Variants in MAP4K3 observed in about 807,000 individuals in gnomAD.
MAP4K3 encodes mitogen-activated protein kinase kinase kinase kinase 3, also known as MAPK/ERK kinase kinase kinase 3.
MAP4K3 carries 94 observed loss-of-function variants against 143.5 expected under a neutral mutation model. That is an observed-to-expected ratio of 0.65 (90% confidence interval 0.55 to 0.78). The LOEUF (loss-of-function observed/expected upper bound fraction) is 0.78. Ranked by LOEUF, MAP4K3 falls within the 30% of genes least tolerant of loss-of-function variation. MAP4K3 has a pLI of 0.00. For missense variants in MAP4K3, 1,077 were observed against 1,068.1 expected, an observed-to-expected ratio of 1.01 and a Z score of -0.12; for synonymous variants, 416 against 347.2, an observed-to-expected ratio of 1.20 and a Z score of -2.20.
intron 27 of MAP4K3, 46 bp downstream of exon 27, chr2:39,267,143 T>C: frequency 6.4e-7 from 1 of 1,570,780 alleles, no homozygotes; most frequent in Non-Finnish European, 8.8e-7. Flanking sequence ...TGCCAGATTT[T>C]AGGAGGAGTC....
chr2:39,342,440 C>T (rs1458386061), intron 4 of MAP4K3, among the ~76,000 whole-genome samples: 2 of 152,078 alleles, frequency 1.3e-5, no homozygotes, highest in African/African-American at 2.4e-5. Context: ...CTTCATCATC[C>T]TTTTTCTACC....
chr2:39,309,389 A>G, intron 14 of MAP4K3, 72 bp downstream of exon 14: 9 of 1,174,896 alleles, frequency 7.7e-6, no homozygotes, highest in Admixed American at 4.3e-5. Context: ...TTTGGTCAGT[A>G]CTAATACATC....
In MAP4K3 at chr2:39,272,515, A is replaced by G; in HGVS notation, c.1822T>C (p.Tyr608His). 2 of 1,613,562 alleles carry G rather than the reference A, an allele frequency of 1.2e-6. No individual in the cohort carries two copies. The highest frequency in any genetic ancestry group is 1.7e-6 in the Non-Finnish European group (2 of 1,179,638). The change falls in exon 25 of 34, where the codon TAT becomes CAT. Residue 608 changes from tyrosine to histidine, a missense_variant. By Grantham distance (83) the Tyr-to-His change is moderately conservative. Around this residue, in one of 2 missense-constraint regions of MAP4K3, gnomAD observed 864 missense variants for 801.2 expected, o/e 1.08. Coordinates refer to ENST00000263881, the MANE Select transcript of MAP4K3 (RefSeq NM_003618.4). ...GATAGCAAGCAATTGTTCATTACAT[A>G]CAACCATGTACACCTTCGAGGGAAT... ...QLFPRRCTWL[Y>H]VMNNCLLSIS...
intron 8 of MAP4K3, among the ~76,000 whole-genome samples, chr2:39,329,193 A>G (rs1367800232): frequency 6.6e-6 from 1 of 152,226 alleles, no homozygotes; most frequent in African/African-American, 2.4e-5. Flanking sequence ...GTGAATGAAT[A>G]TTGTATAGAA....
chr2:39,288,432 G>C, intron 19 of MAP4K3, 152 bp from the exon 20 acceptor site: 2 of 605,910 alleles, frequency 3.3e-6, no homozygotes, highest in Non-Finnish European at 2.8e-6. Context: ...ATCCAATTCA[G>C]ACTATCTTAT....
At chr2:39,272,142 C>A in intron 26 of MAP4K3, 141 bp downstream of exon 26, 1 of 556,910 alleles carries the variant, frequency 1.8e-6, no homozygotes, top group Non-Finnish European at 3.1e-6. Flanking sequence ...GATCACTAAG[C>A]ACTTGTTAAT....
chr2:39,377,201 C>CTTTTTTTTTTTTTT (rs56149359), intron 2 of MAP4K3, among the ~76,000 whole-genome samples: 66 of 110,564 alleles, frequency 6.0e-4, no homozygotes, highest in African/African-American at 9.4e-4. Flanking sequence ...GCTATTTGGC[C>CTTTTTTTTTTTTTT]TTTTTTTTTT....
At chr2:39,326,110 C>T (rs1474634126) in intron 9 of MAP4K3, 36 bp downstream of exon 9, 16 of 1,596,620 alleles carry the variant, frequency 1.0e-5, no homozygotes, top group African/African-American at 1.4e-5. Context: ...GGATAAAAAC[C>T]TTAAGCGTAA....
intron 20 of MAP4K3, 147 bp downstream of exon 20, chr2:39,287,974 G>C (rs527410535): frequency 3.3e-6 from 3 of 896,914 alleles, no homozygotes; most frequent in African/African-American, 1.7e-5. Flanking sequence ...TAAGCTAGTA[G>C]GCAAAAAGCA....
chr2:39,340,378 T>C (rs899058068), intron 4 of MAP4K3, among the ~76,000 whole-genome samples: 2 of 152,212 alleles, frequency 1.3e-5, no homozygotes, highest in African/African-American at 2.4e-5. Context: ...AGATAGGATT[T>C]GGGGTTCTGC....
intron 4 of MAP4K3, among the ~76,000 whole-genome samples, chr2:39,343,058 C>T (rs183668060): frequency 6.6e-6 from 1 of 152,268 alleles, no homozygotes; most frequent in East Asian, 1.9e-4. Flanking sequence ...TGTATTATCA[C>T]TACTCATGTA....
chr2:39,422,093 G>A (rs1358541460), intron 1 of MAP4K3, among the ~76,000 whole-genome samples: 1 of 151,308 alleles, frequency 6.6e-6, no homozygotes, highest in Non-Finnish European at 1.5e-5. Context: ...GTCAGCCATG[G>A]TACACAGCTC....
At chr2:39,323,674 G>A (rs1302994218) in intron 12 of MAP4K3, 2 of 151,924 alleles carry the variant, frequency 1.3e-5, no homozygotes, top group African/African-American at 4.8e-5. Flanking sequence ...AAAGCAATAT[G>A]ACAATTTGCC....
rs568889824 is a variant in MAP4K3 at position 39,322,862 on chromosome 2, G to A, written c.918+2656C>T. Among the ~76,000 whole-genome samples the A allele has an allele frequency of 4.6e-5, 7 of 151,948 alleles. No homozygotes were observed. In the South Asian group the frequency reaches 1.2e-3, roughly 27 times the overall value. ...TTTTTGTATTTTTAGTAGAGACGGGGTTTCACCATGTTAGCCAAGCTGGTC... is the reference window on the plus strand; with the variant it reads ...TTTTTGTATTTTTAGTAGAGACGGGATTTCACCATGTTAGCCAAGCTGGTC... On this transcript the variant is annotated intron_variant, in intron 12 of 33. Transcript: ENST00000263881.
chr2:39,313,532 T>C (rs1446366697), intron 13 of MAP4K3, among the ~76,000 whole-genome samples: 2 of 152,048 alleles, frequency 1.3e-5, no homozygotes, highest in Non-Finnish European at 2.9e-5. Context: ...TCTCTCTTTC[T>C]TTCAATTGAG....
intron 26 of MAP4K3, among the ~76,000 whole-genome samples, chr2:39,269,266 T>C (rs922109029): frequency 1.3e-5 from 2 of 151,924 alleles, no homozygotes; most frequent in African/African-American, 2.4e-5. Flanking sequence ...AAATATAATA[T>C]TAAAAAATAT....
rs773137835 is a variant in MAP4K3 at position 39,258,456 on chromosome 2, T to C, written c.2378-16A>G. On this transcript the variant is annotated splice_polypyrimidine_tract_variant and intron_variant, in intron 30 of 33. Coordinates refer to ENST00000263881, the MANE Select transcript of MAP4K3 (RefSeq NM_003618.4). Reference sequence around the variant, plus strand: ...TTTATACAACCTAGAGGAAAAAAAGTCACTCAGAAACTAAGATAAAAGAAG... The same window carrying C: ...TTTATACAACCTAGAGGAAAAAAAGCCACTCAGAAACTAAGATAAAAGAAG... 2 of 1,602,570 alleles carry C rather than the reference T, an allele frequency of 1.2e-6. No individual in the cohort carries two copies. Among genetic ancestry groups the C allele is most frequent in the Admixed American group, 3.4e-5 (2 of 59,626 alleles).
At chr2:39,314,675 G>C (rs529486194) in intron 13 of MAP4K3, among the ~76,000 whole-genome samples, 62 of 152,284 alleles carry the variant, frequency 4.1e-4, no homozygotes, top group African/African-American at 1.4e-3. Context: ...CTTGTTGGCA[G>C]TTTATCACTG....
intron 1 of MAP4K3, among the ~76,000 whole-genome samples, chr2:39,381,987 A>G (rs1666366758): frequency 6.6e-6 from 1 of 152,200 alleles, no homozygotes. Context: ...CTAAAATGGA[A>G]GTGGACTGGT....
Sources: allele counts gnomAD v4.1 joint callset (sites outside exome capture counted in the v4.1 genomes callset), GRCh38; gene constraint gnomAD v4.1.1; regional missense constraint gnomAD v4.1.1; transcripts MANE v1.5; gene names NCBI Gene and HGNC (gene_info 2026-07-23, HGNC 2026-07-21).